The following ATF7IP variants were observed in gnomAD, a reference collection of about 807,000 sequenced individuals.
ATF7IP encodes the protein activating transcription factor 7-interacting protein 1.
Under a neutral mutation model 106.4 loss-of-function variants are expected in ATF7IP, and 23 were observed. The observed-to-expected ratio is 0.22, with a 90% confidence interval of 0.16 to 0.31. The LOEUF (loss-of-function observed/expected upper bound fraction) is 0.31, where lower values mean the gene tolerates loss of function less well. Ranked by LOEUF, ATF7IP falls within the 10% of genes least tolerant of loss-of-function variation. The pLI, the probability that ATF7IP is intolerant of heterozygous loss-of-function variation, is 1.00. For missense variants in ATF7IP, 1,334 were observed against 1,524.3 expected, an observed-to-expected ratio of 0.88 and a Z score of 2.08; for synonymous variants, 542 against 539.0, an observed-to-expected ratio of 1.01 and a Z score of -0.08.
At chr12:14,467,783 A>G (rs1292092830) in intron 10 of ATF7IP, among the ~76,000 whole-genome samples, 2 of 151,962 alleles carry the variant, frequency 1.3e-5, no homozygotes, top group African/African-American at 2.4e-5. Context: ...GCTATCTAAT[A>G]TGATAGCCAC....
chr12:14,482,619 G>A (rs1188395148), intron 13 of ATF7IP: 1 of 152,058 alleles, frequency 6.6e-6, no homozygotes, highest in African/African-American at 2.4e-5. Context: ...TGATTAGATT[G>A]TGCACACCAG....
At chr12:14,442,132 T>C (rs768600592) in intron 5 of ATF7IP, among the ~76,000 whole-genome samples, 9 of 152,328 alleles carry the variant, frequency 5.9e-5, no homozygotes, top group Admixed American at 1.3e-4. Flanking sequence ...GATTTTTTCC[T>C]GGTATATCAT....
chr12:14,469,099 A>G (rs2136760417), intron 10 of ATF7IP, among the ~76,000 whole-genome samples: 1 of 152,238 alleles, frequency 6.6e-6, no homozygotes, highest in East Asian at 1.9e-4. Context: ...GGCCAGGTGC[A>G]GTGGCTTACA....
At chr12:14,403,750 T>G (rs923848789) in intron 1 of ATF7IP, among the ~76,000 whole-genome samples, 5 of 152,216 alleles carry the variant, frequency 3.3e-5, no homozygotes, top group African/African-American at 1.2e-4. Flanking sequence ...TTCCTTGGAA[T>G]TTTTCTCCCC....
intron 1 of ATF7IP, chr12:14,385,187 C>G: frequency 4.0e-6 from 2 of 493,868 alleles, no homozygotes; most frequent in South Asian, 7.5e-5. Flanking sequence ...TGTTCAGTTT[C>G]CTGCAGGCTG....
intron 1 of ATF7IP, among the ~76,000 whole-genome samples, chr12:14,397,533 G>A (rs376480872): frequency 4.6e-5 from 7 of 152,144 alleles, no homozygotes; most frequent in African/African-American, 1.7e-4. Flanking sequence ...CTTTTATTGG[G>A]CATCCAAACA....
intron 6 of ATF7IP, among the ~76,000 whole-genome samples, chr12:14,455,404 G>A (rs1943386596): frequency 6.6e-6 from 1 of 152,044 alleles, no homozygotes; most frequent in South Asian, 2.1e-4. Context: ...CTAATGCAAT[G>A]TCATACTAGA....
intron 1 of ATF7IP, among the ~76,000 whole-genome samples, chr12:14,388,661 A>G (rs1939381740): frequency 6.6e-6 from 1 of 150,908 alleles, no homozygotes; most frequent in African/African-American, 2.4e-5. Context: ...TTCTTTCTTT[A>G]CTGGAGACAG....
At chr12:14,379,375 G>A (rs1248231655) in intron 1 of ATF7IP, among the ~76,000 whole-genome samples, 1 of 152,134 alleles carries the variant, frequency 6.6e-6, no homozygotes, top group Non-Finnish European at 1.5e-5. Context: ...AGAATTGTGA[G>A]CCAATTAAAC....
intron 6 of ATF7IP, among the ~76,000 whole-genome samples, chr12:14,453,615 A>G (rs1411204695): frequency 1.4e-5 from 2 of 145,810 alleles, no homozygotes. Context: ...TTTCACTTTC[A>G]CCTAATTGAG....
chr12:14,405,017 C>T (rs1167798052), intron 1 of ATF7IP, among the ~76,000 whole-genome samples: 1 of 152,068 alleles, frequency 6.6e-6, no homozygotes, highest in Non-Finnish European at 1.5e-5. Context: ...AACAGCCCAT[C>T]CTATGAAACT....
rs370416207 is a variant in ATF7IP at position 14,448,851 on chromosome 12, A to T, written c.1995+1798A>T. Among the ~76,000 whole-genome samples the T allele has an allele frequency of 2.4e-3, 370 of 152,258 alleles. 2 individuals carry two copies. The highest frequency in any genetic ancestry group is 0.017 in the Middle Eastern group (5 of 294). ...CTTTTGATAGTGACCATCCTCATGG[A>T]TGTATGTGATACCTCATTGTAGTTT... On this transcript the variant is annotated intron_variant, in intron 6 of 14. Transcript: ENST00000261168.
intron 13 of ATF7IP, among the ~76,000 whole-genome samples, chr12:14,495,306 CAT>C (rs1944980711): frequency 6.6e-6 from 1 of 152,190 alleles, no homozygotes; most frequent in Non-Finnish European, 1.5e-5. Context: ...AACCATCACA[CAT>C]ATGTTGTAGT....
At chr12:14,407,798 A>T (rs1401975335) in intron 1 of ATF7IP, among the ~76,000 whole-genome samples, 1 of 152,170 alleles carries the variant, frequency 6.6e-6, no homozygotes, top group Non-Finnish European at 1.5e-5. Context: ...ATAATTATTG[A>T]ATGCCTACTG....
intron 1 of ATF7IP, among the ~76,000 whole-genome samples, chr12:14,410,673 T>C (rs1398351897): frequency 6.6e-6 from 1 of 152,188 alleles, no homozygotes; most frequent in African/African-American, 2.4e-5. Context: ...AAACGAACAG[T>C]ATATTGTTAT....
intron 6 of ATF7IP, among the ~76,000 whole-genome samples, chr12:14,452,233 T>C (rs1943233249): frequency 6.6e-6 from 1 of 152,214 alleles, no homozygotes; most frequent in Non-Finnish European, 1.5e-5. Context: ...TGTGTTGTAT[T>C]TTGGATCCAA....
chr12:14,441,615 G>A (rs1352963967), intron 5 of ATF7IP, among the ~76,000 whole-genome samples: 1 of 147,898 alleles, frequency 6.8e-6, no homozygotes, highest in Non-Finnish European at 1.5e-5. Context: ...TCAGCCTCCC[G>A]AGCAGCTGGG....
In ATF7IP at chr12:14,390,226, T is replaced by G. The variant is rs537731433; in HGVS notation, c.-8+24399T>G. On this transcript the variant is annotated intron_variant, in intron 1 of 14. Coordinates refer to ENST00000261168, the MANE Select transcript of ATF7IP (RefSeq NM_018179.5). ...TAACCCAAAAGAAAGTAAACATAAG[T>G]AAAATTTAGCCTACTTTACTTGGTA... Among the ~76,000 whole-genome samples, 5 of 152,304 alleles carry G rather than the reference T, an allele frequency of 3.3e-5. No individual in the cohort carries two copies. In the South Asian group the frequency reaches 1.0e-3, roughly 32 times the overall value.
At chr12:14,365,916 G>A (rs1352111509) in intron 1 of ATF7IP, 89 bp downstream of exon 1, 1 of 152,382 alleles carries the variant, frequency 6.6e-6, no homozygotes, top group Non-Finnish European at 1.5e-5. Context: ...TATGGCGGCT[G>A]CGGGAGTTGT....
Sources: gnomAD v4.1 joint callset for allele counts (sites outside exome capture counted in the v4.1 genomes callset) on GRCh38, gnomAD v4.1.1 for gene constraint, MANE v1.5 for transcripts, NCBI Gene and HGNC (gene_info 2026-07-23, HGNC 2026-07-21) for gene names.